TYW1: variants seen among roughly 807,000 people sequenced by gnomAD.
TYW1 encodes tRNA-yW synthesizing protein 1 homolog.
TYW1 carries 46 observed loss-of-function variants against 96.2 expected under a neutral mutation model. The observed-to-expected ratio is 0.48, with a 90% CI of 0.38 to 0.61. TYW1 has a LOEUF of 0.61. Among genes scored for constraint, TYW1 ranks in the 20% least tolerant of loss-of-function variants. TYW1 has a pLI of 0.00. For missense variants in TYW1, 684 were observed against 909.6 expected, an observed-to-expected ratio of 0.75 and a Z score of 3.19; for synonymous variants, 274 against 323.0, an observed-to-expected ratio of 0.85 and a Z score of 1.63.
At chr7:67,187,559 T>C (rs1466252522) in intron 14 of TYW1, among the ~76,000 whole-genome samples, 4 of 152,048 alleles carry the variant, frequency 2.6e-5, no homozygotes, top group Admixed American at 6.6e-5. Context: ...GTCCAGCAAG[T>C]TAATGAGATT....
At chr7:67,100,353 G>A (rs1797048217) in intron 12 of TYW1, among the ~76,000 whole-genome samples, 2 of 151,824 alleles carry the variant, frequency 1.3e-5, no homozygotes, top group Admixed American at 1.3e-4. Context: ...CATCCGTTAT[G>A]TATTGGTGTT....
At chr7:67,139,300 C>G (rs772941865) in intron 13 of TYW1, among the ~76,000 whole-genome samples, 2 of 152,218 alleles carry the variant, frequency 1.3e-5, no homozygotes, top group Non-Finnish European at 2.9e-5. Flanking sequence ...GATCCAGTCA[C>G]CTTGGCCTCC....
chr7:67,216,783 T>A (rs1437772101), intron 15 of TYW1, among the ~76,000 whole-genome samples: 1 of 150,934 alleles, frequency 6.6e-6, no homozygotes, highest in Non-Finnish European at 1.5e-5. Flanking sequence ...ACTTTTCTTG[T>A]CATTGAGATC....
chr7:67,076,669 T>C (rs1796218013), intron 10 of TYW1, among the ~76,000 whole-genome samples: 1 of 151,926 alleles, frequency 6.6e-6, no homozygotes, highest in Non-Finnish European at 1.5e-5. Flanking sequence ...AGAGGTGGAG[T>C]TTTGCCAAGT....
intron 7 of TYW1, among the ~76,000 whole-genome samples, chr7:67,045,035 C>A (rs1795143823): frequency 1.3e-5 from 2 of 152,086 alleles, no homozygotes; most frequent in South Asian, 4.1e-4. Flanking sequence ...TAAGAAAAAG[C>A]TTGTTTGTTG....
intron 13 of TYW1, among the ~76,000 whole-genome samples, chr7:67,169,113 C>A (rs1799443766): frequency 6.6e-6 from 1 of 152,054 alleles, no homozygotes; most frequent in South Asian, 2.1e-4. Context: ...CTTCTATTAA[C>A]TTCTGTTCTT....
chr7:67,219,850 T>C (rs1325672401), intron 15 of TYW1, among the ~76,000 whole-genome samples: 1 of 81,482 alleles, frequency 1.2e-5, no homozygotes, highest in South Asian at 4.1e-4. Context: ...TGTGGGTTTT[T>C]TTTTTTTTTT....
intron 15 of TYW1, among the ~76,000 whole-genome samples, chr7:67,207,084 C>G (rs966266342): frequency 2.8e-4 from 43 of 152,178 alleles, no homozygotes; most frequent in Non-Finnish European, 2.2e-4. Context: ...TTGTGTAGTT[C>G]CACTCTTTAA....
intron 10 of TYW1, among the ~76,000 whole-genome samples, chr7:67,076,635 C>T (rs549210062): frequency 1.3e-5 from 2 of 152,044 alleles, no homozygotes; most frequent in South Asian, 4.2e-4. Flanking sequence ...GCCACCAAGC[C>T]TGGATAATTT....
rs773487490 is a variant in TYW1 at position 67,117,629 on chromosome 7, T to C, written c.1698+11T>C. 21 of 1,599,658 alleles carry C rather than the reference T, an allele frequency of 1.3e-5. No homozygotes were observed. The East Asian group carries it at 1.3e-4, about 10-fold the overall frequency. On this transcript the variant is annotated intron_variant, in intron 13 of 15. Coordinates refer to ENST00000359626, the MANE Select transcript of TYW1 (RefSeq NM_018264.4). The stretch of plus-strand genomic sequence containing the variant: ...GCCTTGGCAGTCAAGGTAAGAATTA[T>C]GACATCTTAAAAATAAATAAACAAC...
chr7:67,228,460 G>A (rs1191813632), intron 15 of TYW1, among the ~76,000 whole-genome samples: 2 of 152,136 alleles, frequency 1.3e-5, no homozygotes, highest in Admixed American at 1.3e-4. Context: ...TGGGAATTGT[G>A]GGAACTACAA....
At chr7:67,043,291 A>AT (rs1489948645) in intron 7 of TYW1, among the ~76,000 whole-genome samples, 3 of 151,628 alleles carry the variant, frequency 2.0e-5, no homozygotes, top group Admixed American at 2.0e-4. Flanking sequence ...GAGGAGCCTG[A>AT]TAATTTTTAT....
intron 7 of TYW1, among the ~76,000 whole-genome samples, chr7:67,030,637 C>A (rs73700324): frequency 0.034 from 5,239 of 151,922 alleles, 238 homozygotes; most frequent in East Asian, 0.16. Flanking sequence ...GTGCCACAGA[C>A]CCAGAAATAA....
intron 13 of TYW1, among the ~76,000 whole-genome samples, chr7:67,156,778 T>C (rs942655291): frequency 1.1e-4 from 16 of 151,698 alleles, no homozygotes; most frequent in African/African-American, 2.9e-4. Flanking sequence ...GGTGCTGTGA[T>C]GTAGTTGCTT....
At chr7:67,066,441 A>G (rs1795872267) in intron 9 of TYW1, among the ~76,000 whole-genome samples, 1 of 152,020 alleles carries the variant, frequency 6.6e-6, no homozygotes, top group Non-Finnish European at 1.5e-5. Context: ...AACTTATATG[A>G]CTCGTGATAT....
At chr7:67,069,363 A>T (rs1795964712) in intron 10 of TYW1, among the ~76,000 whole-genome samples, 1 of 152,194 alleles carries the variant, frequency 6.6e-6, no homozygotes, top group Non-Finnish European at 1.5e-5. Context: ...TATATACTGT[A>T]TGCCCATTAA....
chr7:67,045,838 C>G (rs1292662899), intron 7 of TYW1, among the ~76,000 whole-genome samples: 1 of 152,140 alleles, frequency 6.6e-6, no homozygotes, highest in Admixed American at 6.6e-5. Context: ...TAGGAGAAAT[C>G]AAGGCCGTGG....
chr7:67,064,061 C>G (rs1795786474), intron 9 of TYW1, among the ~76,000 whole-genome samples: 1 of 152,128 alleles, frequency 6.6e-6, no homozygotes, highest in South Asian at 2.1e-4. Flanking sequence ...AAATGAAAAT[C>G]TAAACAAATA....
At chr7:67,070,254 A>G (rs6956240) in intron 10 of TYW1, among the ~76,000 whole-genome samples, 8,308 of 152,228 alleles carry the variant, frequency 0.055, 494 homozygotes, top group East Asian at 0.16. Flanking sequence ...TGAGCTTCTT[A>G]GTTCTGTGAA....
Sources: allele counts gnomAD v4.1 joint callset (sites outside exome capture counted in the v4.1 genomes callset), GRCh38; gene constraint gnomAD v4.1.1; transcripts MANE v1.5; gene names NCBI Gene and HGNC (gene_info 2026-07-23, HGNC 2026-07-21).